The following CPNE8 variants were observed in gnomAD, a reference collection of about 807,000 sequenced individuals.
CPNE8 encodes copine-8.
In CPNE8, 45 loss-of-function variants were observed where a neutral mutation model predicts 81.5. The ratio of observed to expected loss-of-function variants is 0.55; its 90% CI spans 0.44 to 0.71. The LOEUF (loss-of-function observed/expected upper bound fraction) is 0.71. CPNE8 is among the 30% of genes least tolerant of loss of function. The pLI, the probability that CPNE8 is intolerant of heterozygous loss-of-function variation, is 0.00. For missense variants in CPNE8, 594 were observed against 672.1 expected, an observed-to-expected ratio of 0.88 and a Z score of 1.28; for synonymous variants, 252 against 226.3, an observed-to-expected ratio of 1.11 and a Z score of -1.02.
chr12:38,857,741 A>G (rs1943767501), intron 3 of CPNE8, among the ~76,000 whole-genome samples: 1 of 151,944 alleles, frequency 6.6e-6, no homozygotes, highest in African/African-American at 2.4e-5. Context: ...CGAACCCCCA[A>G]AAAAAATAGC....
intron 3 of CPNE8, among the ~76,000 whole-genome samples, chr12:38,858,671 T>C (rs1943783155): frequency 6.6e-6 from 1 of 152,158 alleles, no homozygotes; most frequent in South Asian, 2.1e-4. Flanking sequence ...AAAAGCTGCT[T>C]CCACACCAGC....
intron 2 of CPNE8, among the ~76,000 whole-genome samples, chr12:38,874,168 A>G (rs1944032953): frequency 6.6e-6 from 1 of 152,178 alleles, no homozygotes; most frequent in Admixed American, 6.5e-5. Context: ...ACTTTAAATT[A>G]TGGCCCATTA....
At chr12:38,739,729 T>C (rs1207701556) in intron 10 of CPNE8, among the ~76,000 whole-genome samples, 1 of 152,202 alleles carries the variant, frequency 6.6e-6, no homozygotes, top group African/African-American at 2.4e-5. Flanking sequence ...TGTTTTGGTT[T>C]CTTTGAAGAA....
chr12:38,855,089 C>A (rs1019907644), intron 3 of CPNE8, among the ~76,000 whole-genome samples: 12 of 151,926 alleles, frequency 7.9e-5, no homozygotes, highest in African/African-American at 2.4e-4. Context: ...AGTAGTATTT[C>A]TTTACACTAA....
intron 3 of CPNE8, among the ~76,000 whole-genome samples, chr12:38,855,736 AAAT>A (rs777114264): frequency 1.3e-5 from 2 of 152,138 alleles, no homozygotes; most frequent in Non-Finnish European, 2.9e-5. Context: ...TTCACCACAA[AAAT>A]AATAATAAGT....
rs35643732 is a variant in CPNE8, at chr12:38,687,370, C to CTTTTTTTTTTTTTTTTTTTTTTTTT, written c.1144-1754_1144-1753insAAAAAAAAAAAAAAAAAAAAAAAAA. On this transcript the variant is annotated intron_variant, in intron 15 of 19. Coordinates refer to ENST00000331366, the MANE Select transcript of CPNE8 (RefSeq NM_153634.3). ...GCTACCAAATTACGAAATGCCAAGA[C>CTTTTTTTTTTTTTTTTTTTTTTTTT]TTTCTTTTTTTTTTTTTTTTTTTTT... 4.2e-5 allele frequency among the ~76,000 whole-genome samples: 4 copies of CTTTTTTTTTTTTTTTTTTTTTTTTT among 95,494 alleles called. 2 individuals carry two copies. Among genetic ancestry groups the CTTTTTTTTTTTTTTTTTTTTTTTTT allele is most frequent in the Non-Finnish European group, 8.5e-5 (4 of 46,860 alleles). The allele number at this position is 95,494 out of a possible 152,430, so 62.6% of individuals were successfully genotyped here.
intron 19 of CPNE8, among the ~76,000 whole-genome samples, chr12:38,657,106 G>A (rs35012722): frequency 9.3e-4 from 142 of 152,238 alleles, no homozygotes; most frequent in Admixed American, 1.7e-3. Context: ...AGGGGTTGGG[G>A]GATTTCCCTT....
chr12:38,791,827 T>C (rs980378207), intron 6 of CPNE8, among the ~76,000 whole-genome samples: 4 of 151,522 alleles, frequency 2.6e-5, no homozygotes, highest in Admixed American at 6.6e-5. Context: ...ACAGACCACA[T>C]TTTAGGACAC....
At chr12:38,899,249 G>A (rs546445470) in intron 1 of CPNE8, among the ~76,000 whole-genome samples, 2 of 152,290 alleles carry the variant, frequency 1.3e-5, no homozygotes, top group African/African-American at 4.8e-5. Flanking sequence ...GCCTTTGGGA[G>A]ATGATTAGGT....
chr12:38,894,974 G>A (rs1306321382), intron 1 of CPNE8, among the ~76,000 whole-genome samples: 1 of 152,004 alleles, frequency 6.6e-6, no homozygotes, highest in African/African-American at 2.4e-5. Flanking sequence ...ATTATGCTAA[G>A]GCAGAGACAC....
At chr12:38,707,308 T>C (rs1185948683) in intron 13 of CPNE8, among the ~76,000 whole-genome samples, 1 of 152,146 alleles carries the variant, frequency 6.6e-6, no homozygotes, top group East Asian at 1.9e-4. Flanking sequence ...AGTGAGACTC[T>C]GTCTGTTAAA....
intron 1 of CPNE8, among the ~76,000 whole-genome samples, chr12:38,890,900 CA>C (rs1489969836): frequency 3.4e-5 from 5 of 147,386 alleles, no homozygotes; most frequent in Non-Finnish European, 7.5e-5. Flanking sequence ...TATATATATA[CA>C]TATATATATA....
In CPNE8 at chr12:38,758,185, A is replaced by G. The variant is rs1941501535; in HGVS notation, c.722+2662T>C. On this transcript the variant is annotated intron_variant, in intron 10 of 19. Coordinates refer to ENST00000331366, the MANE Select transcript of CPNE8 (RefSeq NM_153634.3). The stretch of plus-strand genomic sequence containing the variant: ...CTCTCTCTCTATTCTTGCTCTTATT[A>G]TAGCTCTCATTCGCTTAATCTAAGC... Among the ~76,000 whole-genome samples the G allele has an allele frequency of 2.6e-5, 4 of 151,624 alleles. No individual in the cohort carries two copies. In the South Asian group the frequency reaches 8.3e-4, roughly 32 times the overall value.
intron 11 of CPNE8, among the ~76,000 whole-genome samples, chr12:38,728,736 G>T: frequency 6.6e-6 from 1 of 151,978 alleles, no homozygotes. Context: ...TTTTTTGGTT[G>T]CTTGATAAAC....
chr12:38,765,813 G>T (rs1423455291), intron 8 of CPNE8, among the ~76,000 whole-genome samples: 1 of 151,518 alleles, frequency 6.6e-6, no homozygotes, highest in Non-Finnish European at 1.5e-5. Flanking sequence ...TGGATTAGTT[G>T]TATTTTTCTT....
At chr12:38,675,619 A>G (rs997792395) in intron 18 of CPNE8, 98 bp downstream of exon 18, 1 of 780,510 alleles carries the variant, frequency 1.3e-6, no homozygotes, top group Admixed American at 2.1e-5. Flanking sequence ...ATACACAGTC[A>G]CATCCTTCTA....
At chr12:38,663,759 T>G (rs1490547030) in intron 19 of CPNE8, among the ~76,000 whole-genome samples, 10 of 152,114 alleles carry the variant, frequency 6.6e-5, no homozygotes, top group Non-Finnish European at 1.2e-4. Flanking sequence ...ATAAGGAAAG[T>G]GTAGCATATG....
intron 3 of CPNE8, among the ~76,000 whole-genome samples, chr12:38,854,466 A>G (rs1302726296): frequency 6.6e-6 from 1 of 151,864 alleles, no homozygotes; most frequent in African/African-American, 2.4e-5. Context: ...CAAAAACATT[A>G]TAAGAAAAGA....
intron 6 of CPNE8, among the ~76,000 whole-genome samples, chr12:38,786,493 C>T (rs1165111203): frequency 4.6e-5 from 7 of 152,194 alleles, no homozygotes; most frequent in Admixed American, 4.6e-4. Context: ...TGCCCTGGAA[C>T]ATCAGACTCC....
Sources: gnomAD v4.1 joint callset for allele counts (sites outside exome capture counted in the v4.1 genomes callset) on GRCh38, gnomAD v4.1.1 for gene constraint, MANE v1.5 for transcripts, NCBI Gene and HGNC (gene_info 2026-07-23, HGNC 2026-07-21) for gene names.